The following ZBTB7C variants were observed in gnomAD, a reference collection of about 807,000 sequenced individuals.
ZBTB7C encodes zinc finger and BTB domain containing 7C, also known as zinc finger and BTB domain-containing protein 7C.
A neutral mutation model predicts 25.7 loss-of-function variants in ZBTB7C; 8 were observed. That is an observed-to-expected ratio of 0.31 (90% CI 0.18 to 0.56). The LOEUF (loss-of-function observed/expected upper bound fraction) is 0.56. Ranked by LOEUF, ZBTB7C falls within the 20% of genes least tolerant of loss-of-function variation. The pLI is 0.91. For missense variants in ZBTB7C, 824 were observed against 855.2 expected (o/e 0.96, Z 0.46); for synonymous variants, 394 against 369.0 (o/e 1.07, Z -0.78).
At chr18:48,047,049 G>T (rs1309694953) in intron 3 of ZBTB7C, among the ~76,000 whole-genome samples, 5 of 152,166 alleles carry the variant, frequency 3.3e-5, no homozygotes, top group Non-Finnish European at 7.4e-5. Context: ...TGTTTTTCCA[G>T]GCAGGAGACT....
intron 2 of ZBTB7C, among the ~76,000 whole-genome samples, chr18:48,276,394 C>A (rs1345892610): frequency 2.0e-5 from 3 of 149,408 alleles, no homozygotes; most frequent in Non-Finnish European, 4.4e-5. Flanking sequence ...TGGTGCACTG[C>A]ACCCACTAAC....
chr18:48,185,375 GGACT>G (rs2042030566), intron 3 of ZBTB7C: 1 of 424,472 alleles, frequency 2.4e-6, no homozygotes, highest in East Asian at 7.9e-5. Context: ...TTCCTGAACT[GGACT>G]GAAAGCTCCT....
chr18:48,361,308 T>C (rs1043405157), intron 1 of ZBTB7C, among the ~76,000 whole-genome samples: 1 of 152,216 alleles, frequency 6.6e-6, no homozygotes, highest in Non-Finnish European at 1.5e-5. Context: ...AATGATCCTA[T>C]AAGACAGGCA....
intron 3 of ZBTB7C, among the ~76,000 whole-genome samples, chr18:48,069,184 C>A (rs1011943426): frequency 6.6e-6 from 1 of 152,192 alleles, no homozygotes; most frequent in African/African-American, 2.4e-5. Flanking sequence ...AGCATACTGT[C>A]CCACAGTCAC....
chr18:48,367,373 A>ATATATATATATAT (rs757386700), intron 1 of ZBTB7C, among the ~76,000 whole-genome samples: 1,034 of 96,186 alleles, frequency 0.011, 28 homozygotes, highest in African/African-American at 0.036. Context: ...TATATATATA[A>ATATATATATATAT]AATACAAACA....
At chr18:48,119,840 C>T (rs934676479) in intron 3 of ZBTB7C, among the ~76,000 whole-genome samples, 2 of 152,142 alleles carry the variant, frequency 1.3e-5, no homozygotes, top group Non-Finnish European at 2.9e-5. Flanking sequence ...GAAAATGAAA[C>T]AGGAATGAAC....
intron 3 of ZBTB7C, among the ~76,000 whole-genome samples, chr18:48,176,044 C>G (rs1008089287): frequency 3.9e-5 from 6 of 152,088 alleles, no homozygotes; most frequent in African/African-American, 1.4e-4. Flanking sequence ...TAAAATGTCT[C>G]CCCATAGACC....
intron 3 of ZBTB7C, among the ~76,000 whole-genome samples, chr18:48,055,756 T>C (rs2144284399): frequency 6.6e-6 from 1 of 152,292 alleles, no homozygotes; most frequent in South Asian, 2.1e-4. Flanking sequence ...GTAGCTACCC[T>C]TTCCCTCCAC....
chr18:48,366,009 T>C (rs1463408266), intron 1 of ZBTB7C, among the ~76,000 whole-genome samples: 1 of 152,224 alleles, frequency 6.6e-6, no homozygotes, highest in African/African-American at 2.4e-5. Context: ...TAAATTTTCA[T>C]GAGATTATAT....
intron 3 of ZBTB7C, among the ~76,000 whole-genome samples, chr18:48,062,965 C>T (rs2037180012): frequency 6.6e-6 from 1 of 152,222 alleles, no homozygotes; most frequent in Non-Finnish European, 1.5e-5. Flanking sequence ...GCTCTCTGTT[C>T]AGGATGGAGG....
intron 2 of ZBTB7C, among the ~76,000 whole-genome samples, chr18:48,315,833 C>T (rs977237194): frequency 6.6e-6 from 1 of 152,202 alleles, no homozygotes; most frequent in African/African-American, 2.4e-5. Context: ...TTGCCCCCTA[C>T]CCCTAAAGCA....
At chr18:48,071,959 G>A (rs62086093) in intron 3 of ZBTB7C, among the ~76,000 whole-genome samples, 7 of 152,136 alleles carry the variant, frequency 4.6e-5, no homozygotes, top group Non-Finnish European at 7.4e-5. Flanking sequence ...GCGAGTTAGT[G>A]TTTAATGGGG....
At chr18:48,376,695 TG>T (rs2047526893) in intron 1 of ZBTB7C, among the ~76,000 whole-genome samples, 1 of 152,252 alleles carries the variant, frequency 6.6e-6, no homozygotes, top group Admixed American at 6.5e-5. Context: ...CTTGCGGCTT[TG>T]CTTCCTGCTT....
intron 2 of ZBTB7C, among the ~76,000 whole-genome samples, chr18:48,229,174 A>G (rs2043186304): frequency 6.6e-6 from 1 of 152,090 alleles, no homozygotes; most frequent in Non-Finnish European, 1.5e-5. Context: ...AGACCCCGAC[A>G]TTCTGCCTGA....
At chr18:48,124,622 A>G (rs2039739714) in intron 3 of ZBTB7C, among the ~76,000 whole-genome samples, 1 of 152,118 alleles carries the variant, frequency 6.6e-6, no homozygotes, top group Admixed American at 6.5e-5. Context: ...TTCCAGCACC[A>G]TGGGATTAAG....
At chr18:48,036,438 T>C (rs1341840325) in intron 4 of ZBTB7C, among the ~76,000 whole-genome samples, 5 of 152,038 alleles carry the variant, frequency 3.3e-5, no homozygotes, top group African/African-American at 9.7e-5. Flanking sequence ...AGGGCTACCA[T>C]GCAGGGGAAG....
chr18:48,028,273 G>C lies in ZBTB7C; in HGVS notation c.*987C>G, dbSNP rs549682897. 2 of 152,228 alleles carry C rather than the reference G, an allele frequency of 1.3e-5. No individual in the cohort carries two copies. The highest frequency in any genetic ancestry group is 2.9e-5 in the Non-Finnish European group (2 of 68,122). The allele number at this position is 152,228 out of a possible 1,614,324, so 9.4% of individuals were successfully genotyped here. ...AGCCTTGGAGGGGGCACTGGAGATG[G>C]GGGTAAACATTAAATAGCGCCCCCA... On this transcript the variant is annotated 3_prime_UTR_variant, in exon 5 of 5. Coordinates refer to ENST00000590800, the MANE Select transcript of ZBTB7C (RefSeq NM_001318841.2).
chr18:48,300,183 A>G (rs78812590), intron 2 of ZBTB7C, among the ~76,000 whole-genome samples: 5,460 of 152,286 alleles, frequency 0.036, 106 homozygotes, highest in South Asian at 0.079. Context: ...CCCAGGTCCA[A>G]CTGAATCAGA....
At chr18:48,124,503 G>A (rs945784799) in intron 3 of ZBTB7C, among the ~76,000 whole-genome samples, 4 of 152,186 alleles carry the variant, frequency 2.6e-5, no homozygotes. Context: ...TACTACAGAG[G>A]AGCCAGCTGG....
Sources: gnomAD v4.1 joint callset for allele counts (sites outside exome capture counted in the v4.1 genomes callset) on GRCh38, gnomAD v4.1.1 for gene constraint, MANE v1.5 for transcripts, NCBI Gene and HGNC (gene_info 2026-07-23, HGNC 2026-07-21) for gene names.